The following DCAF1 variants were observed in gnomAD, a reference collection of about 807,000 sequenced individuals.
DCAF1 encodes DDB1- and CUL4-associated factor 1.
A neutral mutation model predicts 128.0 loss-of-function variants in DCAF1; 15 were observed. The observed-to-expected ratio is 0.12, with a 90% CI of 0.08 to 0.18. The LOEUF (loss-of-function observed/expected upper bound fraction) is 0.18. DCAF1 is among the 10% of genes least tolerant of loss of function. DCAF1 has a pLI of 1.00. For synonymous variants in DCAF1, 610 were observed against 603.0 expected (o/e 1.01, Z -0.17); for missense variants, 988 against 1,649.5 (o/e 0.60, Z 6.95).
At chr3:51,430,285 T>C (rs1355302921) in intron 10 of DCAF1, 73 bp from the exon 11 acceptor site, 3 of 703,976 alleles carry the variant, frequency 4.3e-6, no homozygotes, top group Non-Finnish European at 7.9e-6. Flanking sequence ...ATGGAAAATT[T>C]GCCAGTATAG....
At chr3:51,427,572 A>G in intron 12 of DCAF1, 31 bp from the exon 13 acceptor site, 1 of 565,868 alleles carries the variant, frequency 1.8e-6, no homozygotes, top group Non-Finnish European at 3.2e-6. Context: ...TATTATTATT[A>G]TATATAACTC....
At chr3:51,466,302 C>A (rs1384603821) in intron 5 of DCAF1, among the ~76,000 whole-genome samples, 1 of 152,104 alleles carries the variant, frequency 6.6e-6, no homozygotes, top group Non-Finnish European at 1.5e-5. Flanking sequence ...AAAACATGGA[C>A]CCCCAAAGCC....
chr3:51,410,345 A>T (rs1698286731), intron 23 of DCAF1, among the ~76,000 whole-genome samples: 1 of 152,214 alleles, frequency 6.6e-6, no homozygotes, highest in Non-Finnish European at 1.5e-5. Flanking sequence ...GAGCACACAC[A>T]GGGGATTTTA....
intron 23 of DCAF1, among the ~76,000 whole-genome samples, chr3:51,407,158 C>CAAAAAAAA (rs1477512198): frequency 3.4e-5 from 3 of 88,112 alleles, no homozygotes; most frequent in Admixed American, 1.3e-4. Context: ...GACTCCATCT[C>CAAAAAAAA]AAAAAAAAAA....
intron 3 of DCAF1, among the ~76,000 whole-genome samples, chr3:51,473,490 C>CAAAAAAA (rs113483060): frequency 1.3e-4 from 3 of 22,800 alleles, no homozygotes; most frequent in Admixed American, 4.5e-4. Flanking sequence ...GACTCCATCT[C>CAAAAAAA]AAAAAAAAAA....
intron 2 of DCAF1, among the ~76,000 whole-genome samples, chr3:51,492,849 C>T (rs1458110253): frequency 5.3e-5 from 8 of 151,562 alleles, no homozygotes; most frequent in South Asian, 2.1e-4. Flanking sequence ...AAAAAATTAG[C>T]TGGGCGTGGT....
intron 23 of DCAF1, among the ~76,000 whole-genome samples, chr3:51,406,091 C>A (rs1011669407): frequency 2.6e-5 from 4 of 151,916 alleles, no homozygotes; most frequent in Non-Finnish European, 4.4e-5. Flanking sequence ...CACCTGTAAT[C>A]CCAACACTTT....
rs1444513638 is a variant in DCAF1, at chr3:51,430,284, T to G, written c.1288-72A>C. 21 of 705,064 alleles carry G rather than the reference T, an allele frequency of 3.0e-5. No homozygotes were observed. In the East Asian group the frequency reaches 5.3e-4, roughly 18 times the overall value. 43.7% of individuals were successfully genotyped at this position (705,064 alleles called of 1,614,324 possible). On this transcript the variant is annotated intron_variant, in intron 10 of 24. Coordinates refer to ENST00000684031, the MANE Select transcript of DCAF1 (RefSeq NM_001387579.1). ...GGAGCCCTTGAACAGGATGGAAAAT[T>G]TGCCAGTATAGATATCTGCAGAATA...
At chr3:51,409,037 C>A (rs1247842103) in intron 23 of DCAF1, among the ~76,000 whole-genome samples, 1 of 152,184 alleles carries the variant, frequency 6.6e-6, no homozygotes, top group Non-Finnish European at 1.5e-5. Flanking sequence ...CTGCCCCTCT[C>A]ACTCTTGGCT....
At chr3:51,456,734 G>A (rs1702960874) in intron 6 of DCAF1, among the ~76,000 whole-genome samples, 1 of 152,150 alleles carries the variant, frequency 6.6e-6, no homozygotes, top group Non-Finnish European at 1.5e-5. Context: ...GAACGATCAG[G>A]CAGCAGCATC....
chr3:51,423,686 G>C (rs1699638218), intron 13 of DCAF1, among the ~76,000 whole-genome samples: 1 of 151,788 alleles, frequency 6.6e-6, no homozygotes, highest in South Asian at 2.1e-4. Context: ...AGGCATGGTG[G>C]TGGGCATCTG....
At chr3:51,445,993 T>C (rs1553640150) in intron 6 of DCAF1, among the ~76,000 whole-genome samples, 4 of 149,464 alleles carry the variant, frequency 2.7e-5, no homozygotes, top group Non-Finnish European at 1.5e-5. Context: ...TAAGTTCTTT[T>C]TTTTTTTTTT....
rs1353181804 is a variant in DCAF1, at chr3:51,487,838, G to A, written c.-8-4002C>T. ...TTACAGGGACAAACCACCACGCCCA[G>A]CCTACCAAACTATTTATTTATTTAT... On this transcript the variant is annotated intron_variant, in intron 2 of 24. Coordinates refer to ENST00000684031, the MANE Select transcript of DCAF1 (RefSeq NM_001387579.1). Among the ~76,000 whole-genome samples, 3 of 151,268 alleles carry A rather than the reference G, an allele frequency of 2.0e-5. No homozygotes were observed. In the East Asian group the frequency reaches 5.9e-4, roughly 30 times the overall value.
chr3:51,449,526 C>T (rs1185730477), intron 6 of DCAF1, among the ~76,000 whole-genome samples: 2 of 151,992 alleles, frequency 1.3e-5, no homozygotes, highest in Non-Finnish European at 2.9e-5. Context: ...TTTATAGCTG[C>T]AAACACATGC....
At chr3:51,480,161 G>A (rs1308245675) in intron 3 of DCAF1, among the ~76,000 whole-genome samples, 2 of 149,498 alleles carry the variant, frequency 1.3e-5, no homozygotes, top group African/African-American at 4.9e-5. Flanking sequence ...ACCTACCTAT[G>A]AAAGTCAAAG....
At chr3:51,429,129 G>T in intron 12 of DCAF1, 132 bp downstream of exon 12, 3 of 624,304 alleles carry the variant, frequency 4.8e-6, no homozygotes, top group Admixed American at 5.2e-5. Context: ...CAATTGTTCT[G>T]CCTTCATACA....
chr3:51,461,385 T>A (rs142744163), intron 6 of DCAF1, among the ~76,000 whole-genome samples: 1 of 152,120 alleles, frequency 6.6e-6, no homozygotes, highest in Non-Finnish European at 1.5e-5. Context: ...CCAGTTAGAA[T>A]GGCAATCATT....
intron 3 of DCAF1, among the ~76,000 whole-genome samples, chr3:51,481,126 G>A (rs1177719547): frequency 6.6e-6 from 1 of 152,074 alleles, no homozygotes; most frequent in East Asian, 1.9e-4. Flanking sequence ...TTTATGCATT[G>A]ATTTCTTACT....
rs1553631677 is a variant in DCAF1, at chr3:51,419,720, G to A, written c.3236+14C>T. 2.5e-6 allele frequency: 4 copies of A among 1,581,808 alleles called. No individual in the cohort carries two copies. Among genetic ancestry groups the A allele is most frequent in the Non-Finnish European group, 3.4e-6 (4 of 1,163,452 alleles). On this transcript the variant is annotated intron_variant, in intron 15 of 24. Transcript: ENST00000684031. Reference sequence around the variant, plus strand: ...ATTCCAATTCCCAGGGAGTAAGAAGGGGCCTCTTCTTACCTGCTAAAGATA... The same window carrying A: ...ATTCCAATTCCCAGGGAGTAAGAAGAGGCCTCTTCTTACCTGCTAAAGATA...
Sources: gnomAD v4.1 joint callset for allele counts (sites outside exome capture counted in the v4.1 genomes callset) on GRCh38, gnomAD v4.1.1 for gene constraint, MANE v1.5 for transcripts, NCBI Gene and HGNC (gene_info 2026-07-23, HGNC 2026-07-21) for gene names.